PPRC1: variants seen among roughly 807,000 people sequenced by gnomAD.
The protein encoded by PPRC1 is peroxisome proliferator-activated receptor gamma coactivator-related protein 1.
PPRC1 carries 23 observed loss-of-function variants against 132.5 expected under a neutral mutation model. The ratio of observed to expected loss-of-function variants is 0.17; its 90% confidence interval spans 0.12 to 0.25. PPRC1 has a LOEUF of 0.25. PPRC1 is among the 10% of genes least tolerant of loss of function. The pLI, the probability that PPRC1 is intolerant of heterozygous loss-of-function variation, is 1.00. For synonymous variants in PPRC1, 872 were observed against 833.5 expected (o/e 1.05, Z -0.80); for missense variants, 2,006 against 2,089.1 (o/e 0.96, Z 0.78).
intron 5 of PPRC1, 42 bp from the exon 6 acceptor site, chr10:102,143,003 G>A (rs1312185982): frequency 6.4e-7 from 1 of 1,567,266 alleles, no homozygotes; most frequent in Non-Finnish European, 8.8e-7. Context: ...GTACTAAGTT[G>A]ATAGGGGCTC....
At chr10:102,119,967 G>A in the PPRC1 span, 1 of 729,260 alleles carries the variant, frequency 1.4e-6, no homozygotes, top group Non-Finnish European at 2.0e-6. Flanking sequence ...AGCCCTTCCA[G>A]CCCCCGGCTT....
upstream of PPRC1, among the ~76,000 whole-genome samples, chr10:102,131,243 T>A (rs2068537326): frequency 6.6e-6 from 1 of 151,528 alleles, no homozygotes; most frequent in Non-Finnish European, 1.5e-5. Flanking sequence ...GTACCTGTAG[T>A]ACCCAGCTAC....
Position 102,145,029 on chromosome 10 carries a change from C to G in PPRC1, c.3618C>G (p.Asp1206Glu). Residue 1206 changes from aspartate to glutamate, a missense_variant, in exon 8 of 14, where the codon GAC (aspartate) becomes GAG (glutamate). Coordinates refer to ENST00000278070, the MANE Select transcript of PPRC1 (RefSeq NM_015062.5). ...SLAVGNSGGV[D>E]IPQEKRPLDR... ...TTTCCCCCCCCGCCAGCGGCGTTGA[C>G]ATTCCCCAGGAGAAGAGGCCCCTAG... 1 of 1,606,124 alleles carries G rather than the reference C, an allele frequency of 6.2e-7. No homozygotes were observed.
At chr10:102,127,767 G>A in the PPRC1 span, among the ~76,000 whole-genome samples, 1 of 151,436 alleles carries the variant, frequency 6.6e-6, no homozygotes, top group South Asian at 2.1e-4. Flanking sequence ...GCCCAAACTG[G>A]TCATGAACTC....
intron 1 of PPRC1, among the ~76,000 whole-genome samples, chr10:102,137,110 G>A (rs770060563): frequency 6.6e-6 from 1 of 152,160 alleles, no homozygotes; most frequent in East Asian, 1.9e-4. Flanking sequence ...AGGCTGAGTC[G>A]GGCGGATTAC....
intron 1 of PPRC1, among the ~76,000 whole-genome samples, chr10:102,135,000 A>C (rs2068669435): frequency 6.6e-6 from 1 of 152,246 alleles, no homozygotes; most frequent in Non-Finnish European, 1.5e-5. Flanking sequence ...TTATTTATTG[A>C]AATACCATTA....
chr10:102,140,579 A>G lies in PPRC1; in HGVS notation c.2071A>G (p.Thr691Ala). The change falls in exon 5 of 14, where the codon ACT (threonine) becomes GCT (alanine). Residue 691 changes from threonine (T) to alanine (A), a missense_variant. Transcript: ENST00000278070. ...CCCAGTGCTAGTTAAGTCCAGACCAACTGATCCCAGACGTGGTGCAGTGTC... is the reference window on the plus strand; with the variant it reads ...CCCAGTGCTAGTTAAGTCCAGACCAGCTGATCCCAGACGTGGTGCAGTGTC... ...VDPVLVKSRP[T>A]DPRRGAVSSA... 1 of 1,613,994 alleles carries G rather than the reference A, an allele frequency of 6.2e-7. No individual in the cohort carries two copies. The highest frequency in any genetic ancestry group is 8.5e-7 in the Non-Finnish European group (1 of 1,179,986).
chr10:102,143,876 G>A (rs1401001489), intron 6 of PPRC1, among the ~76,000 whole-genome samples: 2 of 152,234 alleles, frequency 1.3e-5, no homozygotes, highest in Non-Finnish European at 2.9e-5. Context: ...TAACTGGGGA[G>A]AAGAATCTAC....
In PPRC1 at chr10:102,140,247, C is replaced by T; in HGVS notation, c.1739C>T (p.Ala580Val). The change falls in exon 5 of 14, where the codon GCC becomes GTC. Residue 580 changes from alanine (A) to valine (V), a missense_variant. Physicochemically the swap from Ala to Val is moderately conservative, Grantham distance 64. Transcript: ENST00000278070. ...IPTHLSLVDS[A>V]QASPMPVDSV... Reference sequence around the variant, plus strand: ...ACCCATCTCTCATTGGTCGACTCTGCCCAAGCCAGCCCCATGCCAGTTGAC... The same window carrying T: ...ACCCATCTCTCATTGGTCGACTCTGTCCAAGCCAGCCCCATGCCAGTTGAC... 1 of 1,614,234 alleles carries T rather than the reference C, an allele frequency of 6.2e-7. No homozygotes were observed. Among genetic ancestry groups the T allele is most frequent in the South Asian group, 1.1e-5 (1 of 91,090 alleles).
Position 102,141,410 on chromosome 10 carries a change from G to A in PPRC1, c.2902G>A (p.Ala968Thr). The change falls in exon 5 of 14, where the codon GCC (alanine) becomes ACC (threonine). Residue 968 changes from alanine (A) to threonine (T), a missense_variant. Transcript: ENST00000278070. ...TCSVPWAPPPAPVSPYSSTCT... is the reference protein window; with the variant it reads ...TCSVPWAPPPTPVSPYSSTCT... ...CAGTGTGCCTTGGGCACCCCCTCCT[G>A]CCCCAGTCTCACCTTACAGTTCCAC... is the stretch of plus-strand genomic sequence containing the variant. 6.2e-7 allele frequency: 1 copy of A among 1,613,778 alleles called. No individual in the cohort carries two copies. The highest frequency in any genetic ancestry group is 1.1e-5 in the South Asian group (1 of 91,086).
the PPRC1 span, chr10:102,120,007 G>T: frequency 1.7e-6 from 2 of 1,186,930 alleles, no homozygotes; most frequent in Non-Finnish European, 2.3e-6. Flanking sequence ...CCCCACACAA[G>T]TTCTCGCCAA....
intron 1 of PPRC1, 119 bp from the exon 2 acceptor site, chr10:102,137,731 G>T: frequency 1.1e-6 from 1 of 923,784 alleles, no homozygotes; most frequent in East Asian, 2.7e-5. Context: ...CCAGAAGTTT[G>T]GCGACAGTGT....
At chr10:102,142,071 C>A in intron 5 of PPRC1, 67 bp downstream of exon 5, 2 of 1,492,988 alleles carry the variant, frequency 1.3e-6, no homozygotes, top group Non-Finnish European at 1.8e-6. Flanking sequence ...TAGGATAAGC[C>A]ACCCTGATGA....
In PPRC1 at chr10:102,146,657, C is replaced by T; in HGVS notation, c.3680-15C>T. ...GATCTCATCCTGCTATCTCCATCCT[C>T]CCTCCCCACCACAGGGCTCACCCCT... On this transcript the variant is annotated splice_polypyrimidine_tract_variant and intron_variant, in intron 8 of 13. Transcript: ENST00000278070. 6.3e-7 allele frequency: 1 copy of T among 1,591,630 alleles called. No individual in the cohort carries two copies. The highest frequency in any genetic ancestry group is 8.6e-7 in the Non-Finnish European group (1 of 1,168,704).
intron 1 of PPRC1, among the ~76,000 whole-genome samples, chr10:102,136,203 C>G (rs759665788): frequency 6.6e-6 from 1 of 152,196 alleles, no homozygotes; most frequent in Non-Finnish European, 1.5e-5. Flanking sequence ...TGCCTAAAAC[C>G]TACCACTTTT....
At chr10:102,134,368 G>A (rs2068643799) in intron 1 of PPRC1, among the ~76,000 whole-genome samples, 3 of 152,136 alleles carry the variant, frequency 2.0e-5, no homozygotes, top group Admixed American at 1.3e-4. Flanking sequence ...ACTGGATGAG[G>A]AGGATTCTGT....
chr10:102,138,064 C>T, intron 2 of PPRC1, 26 bp downstream of exon 2: 1 of 1,603,220 alleles, frequency 6.2e-7, no homozygotes, highest in East Asian at 2.2e-5. Context: ...ACTCTGAAAT[C>T]TTCAAGCAGG....
chr10:102,146,331 C>T (rs2069243784), intron 8 of PPRC1, among the ~76,000 whole-genome samples: 1 of 152,082 alleles, frequency 6.6e-6, no homozygotes, highest in Non-Finnish European at 1.5e-5. Flanking sequence ...ATGATGACTG[C>T]ATGAGTGCAG....
At position 102,147,087 on chromosome 10, in the gene PPRC1, C is replaced by T. The variant is rs1234206108; in HGVS notation, c.4095C>T (p.Pro1365=). 1 of 1,614,186 alleles carries T rather than the reference C, an allele frequency of 6.2e-7. No individual in the cohort carries two copies. The highest frequency in any genetic ancestry group is 1.1e-5 in the South Asian group (1 of 91,084). ...DHRTSSEQAD[P]SAPCLAPSSL... ...GGACTAGCAGTGAGCAGGCAGATCC[C>T]TCAGCACCCTGCCTTGCCCCATCCA... The change falls in exon 9 of 14, where the codon CCC becomes CCT. Residue 1365 remains proline, a synonymous_variant. Coordinates refer to ENST00000278070, the MANE Select transcript of PPRC1 (RefSeq NM_015062.5).
Sources: gnomAD v4.1 joint callset for allele counts (sites outside exome capture counted in the v4.1 genomes callset) on GRCh38, gnomAD v4.1.1 for gene constraint, MANE v1.5 for transcripts, NCBI Gene and HGNC (gene_info 2026-07-23, HGNC 2026-07-21) for gene names.